SHOC1: variants seen among roughly 807,000 people sequenced by gnomAD.
The protein encoded by SHOC1 is protein shortage in chiasmata 1 ortholog.
In SHOC1, 136 loss-of-function variants were observed where a neutral mutation model predicts 179.2. The observed-to-expected ratio is 0.76, with a 90% CI of 0.66 to 0.87. SHOC1 has a LOEUF of 0.87. Among genes scored for constraint, SHOC1 ranks in the 40% least tolerant of loss-of-function variants. SHOC1 has a pLI of 0.00. For missense variants in SHOC1, 1,538 were observed against 1,700.8 expected (o/e 0.90, Z 1.68); for synonymous variants, 489 against 586.6 (o/e 0.83, Z 2.41).
chr9:111,698,458 C>T (rs1831809706), intron 24 of SHOC1, among the ~76,000 whole-genome samples: 1 of 152,148 alleles, frequency 6.6e-6, no homozygotes. Flanking sequence ...GAATCCTTTT[C>T]CCATTTCTTG....
chr9:111,711,576 G>A (rs12335935), intron 18 of SHOC1, among the ~76,000 whole-genome samples: 8,656 of 152,174 alleles, frequency 0.057, 613 homozygotes, highest in African/African-American at 0.17. Flanking sequence ...TTCTGGTCAT[G>A]TGACAAGAGC....
chr9:111,716,706 T>C (rs1832810198), intron 16 of SHOC1, among the ~76,000 whole-genome samples: 1 of 152,154 alleles, frequency 6.6e-6, no homozygotes, highest in Non-Finnish European at 1.5e-5. Flanking sequence ...ATATTATTTA[T>C]TTAATCCAAG....
intron 3 of SHOC1, 48 bp downstream of exon 3, chr9:111,785,864 C>A: frequency 7.2e-7 from 1 of 1,386,672 alleles, no homozygotes; most frequent in Non-Finnish European, 9.4e-7. Flanking sequence ...GTGCTAAACT[C>A]TGAAATGGCT....
In SHOC1 at chr9:111,692,151, A is replaced by T. The variant is rs1013072159; in HGVS notation, c.3826T>A (p.Ser1276Thr). Residue 1276 changes from serine (S) to threonine (T), a missense_variant, in exon 27 of 28, where the codon TCA becomes ACA. Coordinates refer to ENST00000682961, the MANE Select transcript of SHOC1 (RefSeq NM_001378211.1). ...QNTPFLINIE[S>T]RRPAYNSFLN... is the part of the protein sequence containing the mutation. Reference sequence around the variant, plus strand: ...AAGGAGTTATAAGCCGGTCTCCTTGATTCTATATTAATTAGAAAAGGAGTA... The same window carrying T: ...AAGGAGTTATAAGCCGGTCTCCTTGTTTCTATATTAATTAGAAAAGGAGTA... 1.2e-6 allele frequency: 2 copies of T among 1,613,666 alleles called. No individual in the cohort carries two copies. Among genetic ancestry groups the T allele is most frequent in the Non-Finnish European group, 1.7e-6 (2 of 1,179,822 alleles).
intron 20 of SHOC1, among the ~76,000 whole-genome samples, chr9:111,706,142 G>A (rs7033187): frequency 0.25 from 37,566 of 151,908 alleles, 4,944 homozygotes; most frequent in African/African-American, 0.32. Flanking sequence ...ATAAAGTGAT[G>A]TATGAAGTGG....
intron 23 of SHOC1, 143 bp downstream of exon 23, chr9:111,701,962 G>T: frequency 1.8e-6 from 1 of 558,698 alleles, no homozygotes; most frequent in Non-Finnish European, 3.1e-6. Flanking sequence ...GTTTTCCTGT[G>T]ATCATACCTC....
rs776832317 is a variant in SHOC1 at position 111,702,223 on chromosome 9, G to T, written c.2971C>A (p.Leu991Ile). 1.4e-6 allele frequency: 2 copies of T among 1,412,602 alleles called. No homozygotes were observed. The highest frequency in any genetic ancestry group is 1.9e-5 in the Admixed American group (1 of 53,854). 87.5% of individuals were successfully genotyped at this position (1,412,602 alleles called of 1,614,324 possible). Residue 991 changes from leucine (L) to isoleucine (I), a missense_variant, in exon 23 of 28, where the codon CTA (leucine) becomes ATA (isoleucine). By Grantham distance (5) the Leu-to-Ile change is conservative (BLOSUM62 2). Transcript: ENST00000682961. ...GCCTTCTCATAATTCAATTCTTCTA[G>T]ATCCTATCAGAAAATAAAGAAAATG... The part of the protein sequence containing the change: ...DEHTAIILQD[L>I]EELNYEKASD...
At chr9:111,770,767 T>C (rs1835571535) in intron 5 of SHOC1, among the ~76,000 whole-genome samples, 1 of 152,156 alleles carries the variant, frequency 6.6e-6, no homozygotes, top group African/African-American at 2.4e-5. Context: ...AATTGACCCC[T>C]TTCATGATCA....
chr9:111,763,104 A>G (rs1835207018), intron 5 of SHOC1, among the ~76,000 whole-genome samples: 2 of 151,978 alleles, frequency 1.3e-5, no homozygotes, highest in African/African-American at 4.8e-5. Context: ...AATCTTGGAT[A>G]CATAACCTAT....
In SHOC1 at chr9:111,759,099, G is replaced by A. The variant is rs1159082182; in HGVS notation, c.443-251C>T. ...CCAAATATCCCAAAAGAGCTGTAACGGCTAATACTTTATCAATAAAGATTA... is the reference window on the plus strand; with the variant it reads ...CCAAATATCCCAAAAGAGCTGTAACAGCTAATACTTTATCAATAAAGATTA... On this transcript the variant is annotated intron_variant, in intron 5 of 27. Coordinates refer to ENST00000682961, the MANE Select transcript of SHOC1 (RefSeq NM_001378211.1). 4.6e-5 allele frequency: 70 copies of A among 1,514,072 alleles called. No individual in the cohort carries two copies. The South Asian group carries it at 7.1e-4, about 15-fold the overall frequency. The allele number at this position is 1,514,072 out of a possible 1,614,324, so 93.8% of individuals were successfully genotyped here.
rs111881452 is a variant in SHOC1, at chr9:111,740,725, C to T, written c.1174+751G>A. 2.0e-4 allele frequency among the ~76,000 whole-genome samples: 31 copies of T among 152,216 alleles called. 1 individual carries two copies. The highest frequency in any genetic ancestry group is 7.5e-4 in the African/African-American group (31 of 41,532). On this transcript the variant is annotated intron_variant, in intron 11 of 27. Coordinates refer to ENST00000682961, the MANE Select transcript of SHOC1 (RefSeq NM_001378211.1). ...TAGCTGGGACTACAGGCGTGCACCA[C>T]CATGCTCAGCTAATTTTTGTATTTT...
chr9:111,766,876 T>G (rs1328545083), intron 5 of SHOC1, among the ~76,000 whole-genome samples: 1 of 152,046 alleles, frequency 6.6e-6, no homozygotes. Flanking sequence ...CCTCCCAAAG[T>G]GCTGGGATTA....
intron 5 of SHOC1, among the ~76,000 whole-genome samples, chr9:111,764,127 T>G (rs991293396): frequency 6.6e-6 from 1 of 152,150 alleles, no homozygotes; most frequent in Non-Finnish European, 1.5e-5. Context: ...CCCACCAAAA[T>G]GTGAATGATC....
chr9:111,708,208 T>TA (rs35488155), intron 18 of SHOC1, among the ~76,000 whole-genome samples: 8,445 of 151,146 alleles, frequency 0.056, 586 homozygotes, highest in African/African-American at 0.16. Flanking sequence ...ATTTTTTATT[T>TA]TTTATTTTTT....
At chr9:111,785,414 T>A (rs1554724552) in intron 3 of SHOC1, among the ~76,000 whole-genome samples, 1 of 152,014 alleles carries the variant, frequency 6.6e-6, no homozygotes, top group Non-Finnish European at 1.5e-5. Context: ...GTCTTTTAAG[T>A]ACTGTGTCCT....
chr9:111,737,688 A>ACC (rs34813776), intron 12 of SHOC1, among the ~76,000 whole-genome samples: 3 of 147,692 alleles, frequency 2.0e-5, no homozygotes, highest in Non-Finnish European at 4.5e-5. Context: ...ATAAAAACAA[A>ACC]CCCCCCCCCC....
At chr9:111,757,287 A>T (rs912472828) in intron 7 of SHOC1, among the ~76,000 whole-genome samples, 1 of 152,098 alleles carries the variant, frequency 6.6e-6, no homozygotes, top group African/African-American at 2.4e-5. Flanking sequence ...TATTTTTAGT[A>T]GAGACAGAGT....
intron 24 of SHOC1, among the ~76,000 whole-genome samples, chr9:111,699,357 C>T (rs563023782): frequency 8.5e-5 from 13 of 152,240 alleles, no homozygotes; most frequent in Middle Eastern, 3.4e-3. Context: ...TGGATATTCA[C>T]GTGGAGATTC....
intron 2 of SHOC1, 145 bp downstream of exon 2, chr9:111,791,229 C>T (rs2131658592): frequency 2.4e-6 from 1 of 418,032 alleles, no homozygotes; most frequent in Non-Finnish European, 4.1e-6. Flanking sequence ...TAAAAATATT[C>T]CAAAATCTGA....
Sources: allele counts gnomAD v4.1 joint callset (sites outside exome capture counted in the v4.1 genomes callset), GRCh38; gene constraint gnomAD v4.1.1; transcripts MANE v1.5; gene names NCBI Gene and HGNC (gene_info 2026-07-23, HGNC 2026-07-21).